The following STS variants were observed in gnomAD, a reference collection of about 807,000 sequenced individuals.
STS encodes steroid sulfatase.
Under a neutral mutation model 26.8 loss-of-function variants are expected in STS, and 7 were observed. The observed-to-expected ratio is 0.26, with a 90% CI of 0.15 to 0.49. The LOEUF (loss-of-function observed/expected upper bound fraction) is 0.49, where lower values mean the gene tolerates loss of function less well. STS is among the 20% of genes least tolerant of loss of function. STS has a pLI of 0.98. For missense variants in STS, 434 were observed against 465.6 expected (o/e 0.93, Z 0.63); for synonymous variants, 199 against 189.4 (o/e 1.05, Z -0.42).
At chrX:7,266,971 G>A (rs1382883560) in intron 6 of STS, among the ~76,000 whole-genome samples, 1 of 112,111 alleles carries the variant, frequency 8.9e-6, no homozygotes, top group Non-Finnish European at 1.9e-5. Flanking sequence ...CATGAGGTCG[G>A]TAAATAGATG....
rs374194610 is a variant in STS, at chrX:7,240,493, ATGTGTGTGTGTGTGTG to A, written c.-4-12677_-4-12662del. Among the ~76,000 whole-genome samples the A allele has an allele frequency of 7.2e-3, 524 of 72,682 alleles. 11 individuals are homozygous for A. The highest frequency in any genetic ancestry group is 0.027 in the African/African-American group (496 of 18,109). The allele number at this position is 72,682 out of a possible 115,157, so 63.1% of individuals were successfully genotyped here. Reference sequence around the variant, plus strand: ...CACACACACACACACACAGATATGTATGTGTGTGTGTGTGTGTGTGTGTGTGTGTGTGTGTGTGTGT... The same window carrying A: ...CACACACACACACACACAGATATGTATGTGTGTGTGTGTGTGTGTGTGTGT... On this transcript the variant is annotated intron_variant, in intron 2 of 10. Transcript: ENST00000674429.
intron 9 of STS, among the ~76,000 whole-genome samples, chrX:7,328,623 G>A (rs1389962329): frequency 2.0e-5 from 2 of 102,248 alleles, no homozygotes. Context: ...GTGCAATCTC[G>A]GCTCACTGCA....
At chrX:7,290,449 C>T (rs1925359323) in intron 7 of STS, among the ~76,000 whole-genome samples, 1 of 112,099 alleles carries the variant, frequency 8.9e-6, no homozygotes, top group Admixed American at 9.5e-5. Flanking sequence ...CATAGTAGTT[C>T]TCATGGCAGC....
At chrX:7,276,129 T>G in intron 7 of STS, 42 bp downstream of exon 7, 1 of 1,200,051 alleles carries the variant, frequency 8.3e-7, no homozygotes, top group Non-Finnish European at 1.1e-6. Context: ...CTGCTAAGTC[T>G]TTGCCTCCTT....
intron 1 of STS, among the ~76,000 whole-genome samples, chrX:7,189,246 A>G (rs1177299910): frequency 8.9e-6 from 1 of 111,980 alleles, no homozygotes; most frequent in African/African-American, 3.2e-5. Flanking sequence ...GACATATACT[A>G]GATTTTTGGT....
chrX:7,150,599 A>G (rs1008188721), intron 1 of STS, among the ~76,000 whole-genome samples: 1 of 112,418 alleles, frequency 8.9e-6, no homozygotes, highest in Admixed American at 9.4e-5. Flanking sequence ...CGATTGTGGA[A>G]GAGACAGATT....
Position 7,239,060 on chromosome X carries a change from G to A in STS, c.-4-14136G>A, listed in dbSNP as rs761389161. 2.7e-5 allele frequency among the ~76,000 whole-genome samples: 3 copies of A among 111,252 alleles called. No individual in the cohort carries two copies. In the Admixed American group the frequency reaches 2.9e-4, roughly 11 times the overall value. On this transcript the variant is annotated intron_variant, in intron 2 of 10. Coordinates refer to ENST00000674429, the MANE Select transcript of STS (RefSeq NM_001320752.2). ...GAATTCAACTATACTAGGTATAATTGATTGTATTGAGAAATACAAAGACCA... is the reference window on the plus strand; with the variant it reads ...GAATTCAACTATACTAGGTATAATTAATTGTATTGAGAAATACAAAGACCA...
chrX:7,253,118 C>T, intron 2 of STS, 78 bp from the exon 3 acceptor site: 4 of 1,140,715 alleles, frequency 3.5e-6, no homozygotes, highest in Non-Finnish European at 4.8e-6. Context: ...ACCACCTCAC[C>T]CCAGCCTGGG....
intron 2 of STS, among the ~76,000 whole-genome samples, chrX:7,205,813 G>C (rs992259834): frequency 7.4e-5 from 8 of 108,481 alleles, no homozygotes; most frequent in African/African-American, 2.4e-4. Context: ...ACAAGGTCTC[G>C]CTATATTGCC....
At chrX:7,211,837 G>A (rs1476549527) in intron 2 of STS, among the ~76,000 whole-genome samples, 1 of 111,278 alleles carries the variant, frequency 9.0e-6, no homozygotes, top group Non-Finnish European at 1.9e-5. Flanking sequence ...TTAATCTCAG[G>A]GCCAGAGTCA....
intron 8 of STS, among the ~76,000 whole-genome samples, chrX:7,306,857 C>G (rs1355550829): frequency 1.8e-5 from 2 of 112,135 alleles, no homozygotes. Context: ...ATAGCTTGTT[C>G]TGCAAACTGC....
intron 2 of STS, among the ~76,000 whole-genome samples, chrX:7,223,971 C>T (rs1225450006): frequency 1.8e-5 from 2 of 110,090 alleles, no homozygotes; most frequent in East Asian, 2.9e-4. Context: ...GAGGCATTGG[C>T]GAGAGTTAGT....
At chrX:7,205,754 T>C (rs762912683) in intron 2 of STS, among the ~76,000 whole-genome samples, 2 of 107,463 alleles carry the variant, frequency 1.9e-5, no homozygotes, top group South Asian at 8.8e-4. Context: ...CAAGTGGTCC[T>C]CTCACACACC....
chrX:7,213,468 C>G (rs1378303008), intron 2 of STS, among the ~76,000 whole-genome samples: 1 of 111,109 alleles, frequency 9.0e-6, no homozygotes, highest in African/African-American at 3.3e-5. Context: ...GTGGGAAAGG[C>G]AGGCAGGAGG....
chrX:7,195,444 G>T (rs184933013), intron 2 of STS, among the ~76,000 whole-genome samples: 25 of 112,301 alleles, frequency 2.2e-4, no homozygotes, highest in East Asian at 1.4e-3. Flanking sequence ...GTGGACCTGT[G>T]AATTAGTGCA....
intron 7 of STS, among the ~76,000 whole-genome samples, chrX:7,284,769 G>C (rs1227237552): frequency 8.9e-6 from 1 of 112,177 alleles, no homozygotes; most frequent in Non-Finnish European, 1.9e-5. Flanking sequence ...AAATGTAAAG[G>C]TGACCCTTCA....
At chrX:7,324,174 G>A (rs1183186781) in intron 8 of STS, among the ~76,000 whole-genome samples, 9 of 110,105 alleles carry the variant, frequency 8.2e-5, no homozygotes, top group Admixed American at 2.0e-4. Flanking sequence ...TCGGGGGGTG[G>A]GGGGTGAGGA....
At chrX:7,316,464 G>C (rs766909570) in intron 8 of STS, among the ~76,000 whole-genome samples, 1 of 112,168 alleles carries the variant, frequency 8.9e-6, no homozygotes, top group African/African-American at 3.2e-5. Flanking sequence ...TACAACAGCA[G>C]AGTTGAGTAG....
At chrX:7,258,144 A>AGATAGATG (rs1292858260) in intron 5 of STS, among the ~76,000 whole-genome samples, 1 of 100,344 alleles carries the variant, frequency 1.0e-5, no homozygotes, top group African/African-American at 3.6e-5. Context: ...ATAGATAGAT[A>AGATAGATG]GATGCAGAGA....
Sources: allele counts gnomAD v4.1 joint callset (sites outside exome capture counted in the v4.1 genomes callset), GRCh38; gene constraint gnomAD v4.1.1; transcripts MANE v1.5; gene names NCBI Gene and HGNC (gene_info 2026-07-23, HGNC 2026-07-21).